Variants in TUSC3 observed in about 807,000 individuals in gnomAD.
The protein encoded by TUSC3 is tumor suppressor candidate 3.
A neutral mutation model predicts 44.8 loss-of-function variants in TUSC3; 45 were observed. The ratio of observed to expected loss-of-function variants is 1.00; its 90% CI spans 0.79 to 1.29. TUSC3 has a LOEUF of 1.29. Among genes scored for constraint, TUSC3 ranks in the 50% most tolerant of loss-of-function variants. The pLI is 0.00. For missense variants in TUSC3, 519 were observed against 437.9 expected, an observed-to-expected ratio of 1.19 and a Z score of -1.65; for synonymous variants, 212 against 152.9, an observed-to-expected ratio of 1.39 and a Z score of -2.85.
chr8:15,474,901 G>T (rs976861195), intron 1 of TUSC3, among the ~76,000 whole-genome samples: 1 of 152,148 alleles, frequency 6.6e-6, no homozygotes, highest in Non-Finnish European at 1.5e-5. Flanking sequence ...CATTATCATA[G>T]TATTTAAATT....
At chr8:15,743,475 G>C (rs1490352970) in intron 7 of TUSC3, 63 bp from the exon 8 acceptor site, 22 of 1,549,210 alleles carry the variant, frequency 1.4e-5, no homozygotes, top group Non-Finnish European at 2.0e-5. Context: ...TGTGTTCAGA[G>C]CCAGAAAAAT....
chr8:15,518,954 C>A (rs986853161), intron 2 of TUSC3, among the ~76,000 whole-genome samples: 1 of 152,096 alleles, frequency 6.6e-6, no homozygotes, highest in African/African-American at 2.4e-5. Flanking sequence ...TTCTACAAGT[C>A]TAAACTAAAA....
chr8:15,611,277 C>A (rs933901986), intron 1 of TUSC3, among the ~76,000 whole-genome samples: 1 of 152,118 alleles, frequency 6.6e-6, no homozygotes, highest in African/African-American at 2.4e-5. Context: ...AATCCCGCCT[C>A]CCAGGTTGAA....
chr8:15,572,416 T>A (rs548915496), intron 1 of TUSC3, among the ~76,000 whole-genome samples: 1 of 152,304 alleles, frequency 6.6e-6, no homozygotes, highest in South Asian at 2.1e-4. Flanking sequence ...TGAATTAGGC[T>A]TGGTTTAAGG....
At position 15,650,683 on chromosome 8, in the gene TUSC3, A is replaced by G; in HGVS notation, c.309-14A>G. 1.9e-6 allele frequency: 3 copies of G among 1,610,458 alleles called. No individual in the cohort carries two copies. Among genetic ancestry groups the G allele is most frequent in the Non-Finnish European group, 2.5e-6 (3 of 1,176,772 alleles). The stretch of plus-strand genomic sequence containing the variant: ...TACTGATGTGTTTCTACTATGGCCC[A>G]TTATTCTTATCAGGCAAGCTAATGA... On this transcript the variant is annotated splice_polypyrimidine_tract_variant and intron_variant, in intron 2 of 10. Coordinates refer to ENST00000503731, the MANE Select transcript of TUSC3 (RefSeq NM_006765.4).
chr8:15,747,386 A>G (rs1811462547), intron 8 of TUSC3, among the ~76,000 whole-genome samples: 1 of 151,940 alleles, frequency 6.6e-6, no homozygotes, highest in African/African-American at 2.4e-5. Flanking sequence ...TGTGTTCTTA[A>G]AAGATGTTTA....
intron 2 of TUSC3, among the ~76,000 whole-genome samples, chr8:15,497,510 G>T (rs1431420588): frequency 6.6e-6 from 1 of 152,138 alleles, no homozygotes; most frequent in Non-Finnish European, 1.5e-5. Context: ...ATAGACCCAT[G>T]AAGAATTGTC....
the TUSC3 span, among the ~76,000 whole-genome samples, chr8:15,805,596 TTTG>T: frequency 6.6e-6 from 1 of 152,164 alleles, no homozygotes; most frequent in East Asian, 1.9e-4. Flanking sequence ...TCACGTGATT[TTTG>T]TTTTCAGTTC....
rs566204611 is a variant in TUSC3, at chr8:15,487,541, G to T, written n.189+4058G>T. Reference sequence around the variant, plus strand: ...TATAAGGGCTAGTTTATCCTGGTAGGCTTATGTCTTGTTACTGAGATACTA... The same window carrying T: ...TATAAGGGCTAGTTTATCCTGGTAGTCTTATGTCTTGTTACTGAGATACTA... On this transcript the variant is annotated intron_variant and non_coding_transcript_variant, in intron 2 of 5. Coordinates refer to the TUSC3 transcript ENST00000503191. Among the ~76,000 whole-genome samples, 92 of 152,218 alleles carry T rather than the reference G, an allele frequency of 6.0e-4. 1 individual carries two copies. Among genetic ancestry groups the T allele is most frequent in the Admixed American group, 3.9e-3 (60 of 15,284 alleles).
chr8:15,536,830 C>A (rs1465065947), upstream of TUSC3, among the ~76,000 whole-genome samples: 1 of 150,260 alleles, frequency 6.7e-6, no homozygotes, highest in Non-Finnish European at 1.5e-5. Flanking sequence ...GCCCAAATTC[C>A]TTCTAAGGTG....
At position 15,515,886 on chromosome 8, in the gene TUSC3, G is replaced by C. The variant is rs191568491; in HGVS notation, n.189+32403G>C. ...GAGTTTCACCATATTGGCCAGGCTG[G>C]TCTTGAATTCCTGACCTTGTGATCC... On this transcript the variant is annotated intron_variant and non_coding_transcript_variant, in intron 2 of 5. Coordinates refer to the TUSC3 transcript ENST00000503191. Among the ~76,000 whole-genome samples, 402 of 152,108 alleles carry C rather than the reference G, an allele frequency of 2.6e-3. 4 individuals carry two copies. The highest frequency in any genetic ancestry group is 9.1e-3 in the African/African-American group (376 of 41,520).
intron 1 of TUSC3, among the ~76,000 whole-genome samples, chr8:15,438,372 A>T (rs2129118003): frequency 6.6e-6 from 1 of 152,328 alleles, no homozygotes; most frequent in African/African-American, 2.4e-5. Flanking sequence ...CTGGGATTAC[A>T]GGCGTGAGCC....
intron 1 of TUSC3, among the ~76,000 whole-genome samples, chr8:15,466,961 A>G (rs1213248189): frequency 3.3e-5 from 5 of 152,106 alleles, no homozygotes; most frequent in Admixed American, 2.6e-4. Flanking sequence ...TCCTGAGTAC[A>G]GTATTTAAAT....
chr8:15,747,149 T>G (rs1189992498), intron 8 of TUSC3, among the ~76,000 whole-genome samples: 1 of 152,082 alleles, frequency 6.6e-6, no homozygotes. Context: ...GACAAAGCCG[T>G]ACCTTATGTA....
intron 9 of TUSC3, among the ~76,000 whole-genome samples, chr8:15,753,674 T>C (rs1811802711): frequency 6.6e-6 from 1 of 152,076 alleles, no homozygotes; most frequent in African/African-American, 2.4e-5. Context: ...TTCGTTTTCT[T>C]CTCAGTTATT....
the TUSC3 span, among the ~76,000 whole-genome samples, chr8:15,816,877 C>G: frequency 6.6e-6 from 1 of 152,206 alleles, no homozygotes; most frequent in African/African-American, 2.4e-5. Context: ...TAGCGCCTAG[C>G]AGAACCAGCT....
At chr8:15,643,778 C>A (rs1013178760) in intron 2 of TUSC3, among the ~76,000 whole-genome samples, 2 of 152,142 alleles carry the variant, frequency 1.3e-5, no homozygotes, top group Non-Finnish European at 2.9e-5. Context: ...ACCAGAGGAG[C>A]AACTGTGTTA....
intron 6 of TUSC3, among the ~76,000 whole-genome samples, chr8:15,725,906 G>A (rs1454593752): frequency 6.6e-6 from 1 of 151,988 alleles, no homozygotes; most frequent in African/African-American, 2.4e-5. Flanking sequence ...CCAAATTACT[G>A]AACTGATTAA....
At chr8:15,512,807 A>T (rs927818917) in intron 2 of TUSC3, among the ~76,000 whole-genome samples, 1 of 130,866 alleles carries the variant, frequency 7.6e-6, no homozygotes, top group Non-Finnish European at 1.6e-5. Context: ...AATAAATCCC[A>T]TTCTGTCTTG....
Sources: allele counts gnomAD v4.1 joint callset (sites outside exome capture counted in the v4.1 genomes callset), GRCh38; gene constraint gnomAD v4.1.1; transcripts MANE v1.5; gene names NCBI Gene and HGNC (gene_info 2026-07-23, HGNC 2026-07-21).